Variants in AKNA observed in about 807,000 individuals in gnomAD.
The protein encoded by AKNA is AT-hook transcription factor.
AKNA carries 67 observed loss-of-function variants against 138.8 expected under a neutral mutation model. The observed-to-expected ratio is 0.48, with a 90% confidence interval of 0.40 to 0.59. The LOEUF (loss-of-function observed/expected upper bound fraction) is 0.59. Among genes scored for constraint, AKNA ranks in the 20% least tolerant of loss-of-function variants. The pLI is 0.00. For synonymous variants in AKNA, 737 were observed against 754.4 expected (o/e 0.98, Z 0.38); for missense variants, 1,813 against 1,880.4 (o/e 0.96, Z 0.66).
chr9:114,355,623 C>T (rs1284696515), intron 14 of AKNA, among the ~76,000 whole-genome samples: 2 of 152,170 alleles, frequency 1.3e-5, no homozygotes, highest in Non-Finnish European at 2.9e-5. Context: ...ATGGGACCAC[C>T]GCCGTGCACG....
rs983713558 is a variant in AKNA, at chr9:114,343,860, G to C, written c.3662-57C>G. On this transcript the variant is annotated intron_variant, in intron 18 of 21. Transcript: ENST00000374088. ...GCCCTGTGGATGGATGCAAAATAGA[G>C]GAAGATTCTGGAATAATGATCTCCT... The C allele has an allele frequency of 2.8e-5, 39 of 1,405,032 alleles. No individual in the cohort carries two copies. In the African/African-American group the frequency reaches 2.9e-4, roughly 10 times the overall value. The allele number at this position is 1,405,032 out of a possible 1,614,324, so 87.0% of individuals were successfully genotyped here.
At position 114,346,656 on chromosome 9, in the gene AKNA, G is replaced by A; in HGVS notation, c.3514+13C>T. On this transcript the variant is annotated intron_variant, in intron 17 of 21. Coordinates refer to ENST00000374088, the MANE Select transcript of AKNA (RefSeq NM_001317950.2). ...TGGCCTCTGGAAATCAGCCTTTGCA[G>A]GTGGTCACTTACTCAGGGACAGTCG... 1 of 1,589,528 alleles carries A rather than the reference G, an allele frequency of 6.3e-7. No homozygotes were observed. The highest frequency in any genetic ancestry group is 1.1e-5 in the South Asian group (1 of 88,500).
At chr9:114,359,849 A>T in intron 10 of AKNA, 47 bp downstream of exon 10, 1 of 1,613,572 alleles carries the variant, frequency 6.2e-7, no homozygotes, top group Non-Finnish European at 8.5e-7. Flanking sequence ...GACAGCCAAG[A>T]TCCAGCTGCT....
intron 2 of AKNA, among the ~76,000 whole-genome samples, chr9:114,379,429 G>A (rs1055967487): frequency 2.0e-5 from 3 of 152,234 alleles, no homozygotes; most frequent in Admixed American, 6.5e-5. Flanking sequence ...AGGAAGAGAT[G>A]CCTCTGCCCT....
chr9:114,376,439 A>C, intron 3 of AKNA, 27 bp downstream of exon 3: 1 of 1,611,680 alleles, frequency 6.2e-7, no homozygotes, highest in South Asian at 1.1e-5. Flanking sequence ...CCTTGGTGAC[A>C]CATCCACAGC....
chr9:114,368,576 G>C lies in AKNA; in HGVS notation c.1436C>G (p.Pro479Arg). The C allele has an allele frequency of 7.2e-7, 1 of 1,394,962 alleles. No homozygotes were observed. The highest frequency in any genetic ancestry group is 9.4e-7 in the Non-Finnish European group (1 of 1,068,656). The allele number at this position is 1,394,962 out of a possible 1,614,324, so 86.4% of individuals were successfully genotyped here. A position where few individuals can be genotyped will look rare whatever the true frequency, so the allele number is the denominator to read the frequency against. ...LGAKVNLFSD[P>R]PQPNHSIHTG... ...GTGGATGCTGTGGTTGGGCTGGGGT[G>C]GGTCAGAGAACAGGTTCACCTGTGG... Residue 479 changes from proline to arginine, a missense_variant, in exon 5 of 22, where the codon CCA (proline) becomes CGA (arginine). Coordinates refer to ENST00000374088, the MANE Select transcript of AKNA (RefSeq NM_001317950.2).
intron 15 of AKNA, among the ~76,000 whole-genome samples, chr9:114,348,464 G>T (rs1322187050): frequency 6.6e-6 from 1 of 152,228 alleles, no homozygotes; most frequent in African/African-American, 2.4e-5. Flanking sequence ...GTGGATCTGG[G>T]CTCTGAGACG....
intron 3 of AKNA, 98 bp downstream of exon 3, chr9:114,376,368 C>T (rs1420376517): frequency 7.6e-7 from 1 of 1,319,568 alleles, no homozygotes. Flanking sequence ...CTCTCCACCC[C>T]AGCCAGCCTC....
Position 114,377,137 on chromosome 9 carries a change from C to T in AKNA, c.670G>A (p.Asp224Asn), listed in dbSNP as rs147177737. 212 of 1,614,154 alleles carry T rather than the reference C, an allele frequency of 1.3e-4. 2 individuals are homozygous for T. In the Middle Eastern group the frequency reaches 6.1e-3, roughly 46 times the overall value. Residue 224 changes from aspartate (D) to asparagine (N), a missense_variant, in exon 3 of 22, where the codon GAT becomes AAT. Asp to Asn is a conservative substitution (Grantham distance 23). Transcript: ENST00000374088. ...SLDSTWEGETDGPQPTALAET... is the reference protein window; with the variant it reads ...SLDSTWEGETNGPQPTALAET... ...GCCAGGGCAGTGGGCTGGGGGCCAT[C>T]GGTCTCTCCTTCCCAGGTAGAATCA...
upstream of AKNA, among the ~76,000 whole-genome samples, chr9:114,395,365 AC>A (rs1223627000): frequency 1.3e-5 from 2 of 151,412 alleles, no homozygotes; most frequent in African/African-American, 4.9e-5. Flanking sequence ...ACCCTGACTT[AC>A]CCCCCAATCC....
At chr9:114,396,446 C>T (rs575527150), upstream of AKNA, among the ~76,000 whole-genome samples, 5 of 152,050 alleles carry the variant, frequency 3.3e-5, no homozygotes, top group South Asian at 4.1e-4. Context: ...TTCAGGAGGC[C>T]GAGGTGGGAG....
At chr9:114,352,689 G>A (rs1351480830) in intron 14 of AKNA, among the ~76,000 whole-genome samples, 1 of 152,128 alleles carries the variant, frequency 6.6e-6, no homozygotes, top group Admixed American at 6.5e-5. Flanking sequence ...TTGGGAGGCC[G>A]AGGCGGGCGG....
intron 6 of AKNA, among the ~76,000 whole-genome samples, chr9:114,365,897 C>G (rs992175084): frequency 2.0e-5 from 3 of 152,170 alleles, no homozygotes; most frequent in Non-Finnish European, 4.4e-5. Context: ...CAGCTAAGGC[C>G]CCAGCTCCTG....
At chr9:114,376,071 C>A in intron 3 of AKNA, 2 of 433,120 alleles carry the variant, frequency 4.6e-6, no homozygotes, top group South Asian at 3.2e-5. Flanking sequence ...CCCCAGGCCT[C>A]CCCACCCCAC....
chr9:114,376,004 A>G (rs1376399749), intron 3 of AKNA: 1 of 426,276 alleles, frequency 2.3e-6, no homozygotes, highest in Non-Finnish European at 4.6e-6. Context: ...CCTCCACCCC[A>G]GGCCTCCCCA....
At chr9:114,356,622 A>G (rs917580907) in intron 13 of AKNA, among the ~76,000 whole-genome samples, 2 of 152,226 alleles carry the variant, frequency 1.3e-5, no homozygotes, top group African/African-American at 4.8e-5. Flanking sequence ...TTGCTCAACA[A>G]AAATGAATTT....
Position 114,347,639 on chromosome 9 carries a change from TATGTCTGG to T in AKNA, c.3398+77_3398+84del, listed in dbSNP as rs1453643420. The stretch of plus-strand genomic sequence containing the variant: ...AGGGATGTGGCAGTGCCTGAGTCCA[TATGTCTGG>T]GGAGAGCCAGAGGCCAGCCAAGACT... On this transcript the variant is annotated intron_variant, in intron 16 of 21. Transcript: ENST00000374088. 35 of 1,361,152 alleles carry T rather than the reference TATGTCTGG, an allele frequency of 2.6e-5. No homozygotes were observed. In the African/African-American group the frequency reaches 4.8e-4, roughly 19 times the overall value. The allele number at this position is 1,361,152 out of a possible 1,614,324, so 84.3% of individuals were successfully genotyped here.
At position 114,368,478 on chromosome 9, in the gene AKNA, G is replaced by A; in HGVS notation, c.1534C>T (p.Pro512Ser). Residue 512 changes from proline (P) to serine (S), a missense_variant, in exon 5 of 22, where the codon CCG becomes TCG. Transcript: ENST00000374088. ...GCCTGGGGGTCCTCGGCCGGGCCCG[G>A]CCACCACTCTGCAGAGCGGGGCTGT... ...IPQPRSAEWW[P>S]GPAEDPQASA... 2.3e-6 allele frequency: 3 copies of A among 1,315,016 alleles called. No individual in the cohort carries two copies. Among genetic ancestry groups the A allele is most frequent in the South Asian group, 5.0e-5 (2 of 40,396 alleles). 81.5% of individuals were successfully genotyped at this position (1,315,016 alleles called of 1,614,324 possible).
At chr9:114,354,936 T>C (rs1218931096) in intron 14 of AKNA, among the ~76,000 whole-genome samples, 2 of 147,602 alleles carry the variant, frequency 1.4e-5, no homozygotes. Context: ...TGGTGCGATC[T>C]TGGCTCACTG....
Sources: gnomAD v4.1 joint callset for allele counts (sites outside exome capture counted in the v4.1 genomes callset) on GRCh38, gnomAD v4.1.1 for gene constraint, MANE v1.5 for transcripts, NCBI Gene and HGNC (gene_info 2026-07-23, HGNC 2026-07-21) for gene names.